Variants in HECW2 observed in about 807,000 individuals in gnomAD.
HECW2 encodes the protein E3 ubiquitin-protein ligase HECW2.
HECW2 carries 61 observed loss-of-function variants against 175.2 expected under a neutral mutation model. The observed-to-expected ratio is 0.35, with a 90% CI of 0.28 to 0.43. The LOEUF (loss-of-function observed/expected upper bound fraction) is 0.43, where lower values mean the gene tolerates loss of function less well. Among genes scored for constraint, HECW2 ranks in the 20% least tolerant of loss-of-function variants. The probability of loss-of-function intolerance (pLI) is 1.00; values close to 1 mark genes in which losing one functional copy is unlikely to be tolerated. For synonymous variants in HECW2, 671 were observed against 731.0 expected, an observed-to-expected ratio of 0.92 and a Z score of 1.32; for missense variants, 1,524 against 2,000.5, an observed-to-expected ratio of 0.76 and a Z score of 4.54.
chr2:196,306,344 T>G (rs530532520), intron 13 of HECW2, 144 bp downstream of exon 13: 20 of 734,164 alleles, frequency 2.7e-5, no homozygotes, highest in Non-Finnish European at 4.1e-5. Flanking sequence ...CCGGTTAAAG[T>G]GTACAGTGCT....
chr2:196,211,986 G>T (rs1687305561), intron 28 of HECW2, among the ~76,000 whole-genome samples: 1 of 152,142 alleles, frequency 6.6e-6, no homozygotes, highest in Non-Finnish European at 1.5e-5. Flanking sequence ...ATAGGCGTAT[G>T]CCACCACGCC....
chr2:196,232,160 A>G (rs1688083451), intron 21 of HECW2, among the ~76,000 whole-genome samples: 1 of 152,210 alleles, frequency 6.6e-6, no homozygotes, highest in Non-Finnish European at 1.5e-5. Flanking sequence ...GACAGCTGAA[A>G]CATGAGGCAA....
intron 14 of HECW2, chr2:196,289,144 T>C (rs1420824246): frequency 6.6e-6 from 1 of 152,194 alleles, no homozygotes; most frequent in Non-Finnish European, 1.5e-5. Context: ...AATGACTAAA[T>C]AAGTGAAAAC....
intron 19 of HECW2, among the ~76,000 whole-genome samples, chr2:196,252,053 G>A (rs1279953644): frequency 6.6e-6 from 1 of 151,750 alleles, no homozygotes; most frequent in Non-Finnish European, 1.5e-5. Flanking sequence ...ACAAAAATTT[G>A]CTGGGCATGG....
At chr2:196,321,947 T>G (rs35655331) in intron 7 of HECW2, among the ~76,000 whole-genome samples, 6 of 152,294 alleles carry the variant, frequency 3.9e-5, no homozygotes, top group Admixed American at 3.9e-4. Context: ...AAAAAGAAAA[T>G]AGACATTAAT....
At chr2:196,378,029 C>T (rs1372299093) in intron 2 of HECW2, among the ~76,000 whole-genome samples, 1 of 152,194 alleles carries the variant, frequency 6.6e-6, no homozygotes. Context: ...ATTAGTTTTG[C>T]ACGTATTACT....
chr2:196,333,834 T>G (rs922399743), intron 4 of HECW2, among the ~76,000 whole-genome samples: 1 of 152,236 alleles, frequency 6.6e-6, no homozygotes, highest in Non-Finnish European at 1.5e-5. Flanking sequence ...TTTCTTCAAC[T>G]GAAGGCCTGA....
rs1489912648 is a variant in HECW2 at position 196,319,066 on chromosome 2, G to C, written c.1824C>G (p.Ser608=). The C allele has an allele frequency of 1.2e-6, 2 of 1,611,838 alleles. No homozygotes were observed. Among genetic ancestry groups the C allele is most frequent in the Admixed American group, 1.7e-5 (1 of 59,680 alleles). Residue 608 remains serine (S), a synonymous_variant, in exon 9 of 29, where the codon TCC becomes TCG. Coordinates refer to ENST00000644978, the MANE Select transcript of HECW2 (RefSeq NM_001348768.2). ...TESLDQGSEP[S]QVSSETEPSD... Reference sequence around the variant, plus strand: ...TGGGTTCTGTTTCAGAGGACACCTGGGAAGGCTCAGAGCCCTGATCGAGAG... The same window carrying C: ...TGGGTTCTGTTTCAGAGGACACCTGCGAAGGCTCAGAGCCCTGATCGAGAG...
At position 196,194,763 on chromosome 2, in the gene HECW2, T is replaced by A. The variant is rs1408044406; in HGVS notation, c.*6514A>T. The A allele has an allele frequency of 6.6e-6, 1 of 152,132 alleles. No homozygotes were observed. The highest frequency in any genetic ancestry group is 6.5e-5 in the Admixed American group (1 of 15,276). The allele number at this position is 152,132 out of a possible 1,614,324, so 9.4% of individuals were successfully genotyped here. On this transcript the variant is annotated 3_prime_UTR_variant, in exon 29 of 29. Transcript: ENST00000644978. ...ATTCTCCATCAAAAGTCACATTAAA[T>A]AAATATGAAGCTTAAATCAACGCAA...
chr2:196,256,331 T>G, intron 18 of HECW2, among the ~76,000 whole-genome samples: 1 of 152,198 alleles, frequency 6.6e-6, no homozygotes, highest in East Asian at 1.9e-4. Context: ...AGAACCTGCT[T>G]ATTTTCCCAA....
Position 196,248,597 on chromosome 2 carries a change from G to GACACACACACAC in HECW2, c.3529+5311_3529+5322dup, listed in dbSNP as rs35800907. Among the ~76,000 whole-genome samples the GACACACACACAC allele has an allele frequency of 4.2e-3, 600 of 144,008 alleles. 2 individuals carry two copies. Among genetic ancestry groups the GACACACACACAC allele is most frequent in the East Asian group, 9.4e-3 (46 of 4,876 alleles). The allele number at this position is 144,008 out of a possible 152,430, so 94.5% of individuals were successfully genotyped here. ...CAGATGAGAGAGAGAGAGACAGACA[G>GACACACACACAC]ACACACACACACACACACACACACA... On this transcript the variant is annotated intron_variant, in intron 19 of 28. Transcript: ENST00000644978.
At chr2:196,430,844 A>G (rs1191272192) in intron 2 of HECW2, among the ~76,000 whole-genome samples, 1 of 152,192 alleles carries the variant, frequency 6.6e-6, no homozygotes, top group Non-Finnish European at 1.5e-5. Context: ...CATCTCAGAA[A>G]AAGAAGAAAA....
rs182912373 is a variant in HECW2 at position 196,292,826 on chromosome 2, T to C, written c.2815-76A>G. 9 of 1,122,732 alleles carry C rather than the reference T, an allele frequency of 8.0e-6. No individual in the cohort carries two copies. The Admixed American group carries it at 1.1e-4, about 14-fold the overall frequency. The allele number at this position is 1,122,732 out of a possible 1,614,324, so 69.5% of individuals were successfully genotyped here. ...GCACCAGAAATACTACACATGGGTA[T>C]GGCTAATCTTCCAATAAGTAATGAA... On this transcript the variant is annotated intron_variant, in intron 13 of 28. Transcript: ENST00000644978.
At chr2:196,587,209 T>C (rs917386909) in intron 1 of HECW2, among the ~76,000 whole-genome samples, 1 of 152,222 alleles carries the variant, frequency 6.6e-6, no homozygotes, top group African/African-American at 2.4e-5. Context: ...AAAACTTCAA[T>C]AGTATAACAG....
chr2:196,335,890 T>C (rs919961280), intron 3 of HECW2, among the ~76,000 whole-genome samples: 9 of 152,182 alleles, frequency 5.9e-5, no homozygotes, highest in Non-Finnish European at 1.3e-4. Flanking sequence ...TCTGGTCTAG[T>C]GGCTGTTCTG....
At chr2:196,242,518 G>A (rs1326429705) in intron 19 of HECW2, 2 of 297,124 alleles carry the variant, frequency 6.7e-6, no homozygotes, top group Non-Finnish European at 1.3e-5. Flanking sequence ...CTCATGTCTA[G>A]TAGTAACTGT....
At position 196,197,481 on chromosome 2, in the gene HECW2, C is replaced by T. The variant is rs780876853; in HGVS notation, c.*3796G>A. 6.6e-6 allele frequency: 1 copy of T among 151,984 alleles called. No individual in the cohort carries two copies. The highest frequency in any genetic ancestry group is 1.5e-5 in the Non-Finnish European group (1 of 68,014). 9.4% of individuals were successfully genotyped at this position (151,984 alleles called of 1,614,324 possible). A position where few individuals can be genotyped will look rare whatever the true frequency, so the allele number is the denominator to read the frequency against. On this transcript the variant is annotated 3_prime_UTR_variant, in exon 29 of 29. Coordinates refer to ENST00000644978, the MANE Select transcript of HECW2 (RefSeq NM_001348768.2). ...TGTATAAATCCATCAAAAGCAATCA[C>T]ATTTTGCCTTCTGTTTTTTAAATTT...
At chr2:196,302,900 T>A (rs963197657) in intron 13 of HECW2, among the ~76,000 whole-genome samples, 1 of 152,212 alleles carries the variant, frequency 6.6e-6, no homozygotes, top group Non-Finnish European at 1.5e-5. Flanking sequence ...CTGAATACCT[T>A]TTATTTCTTT....
At chr2:196,367,342 T>A (rs958621719) in intron 2 of HECW2, among the ~76,000 whole-genome samples, 7 of 152,196 alleles carry the variant, frequency 4.6e-5, no homozygotes, top group East Asian at 1.9e-4. Context: ...TTGCATTTTT[T>A]AATTTTTAAT....
Sources: gnomAD v4.1 joint callset for allele counts (sites outside exome capture counted in the v4.1 genomes callset) on GRCh38, gnomAD v4.1.1 for gene constraint, MANE v1.5 for transcripts, NCBI Gene and HGNC (gene_info 2026-07-23, HGNC 2026-07-21) for gene names.